PCSK6: variants seen among roughly 807,000 people sequenced by gnomAD.
PCSK6 encodes paired basic amino acid cleaving enzyme 4.
In PCSK6, 85 loss-of-function variants were observed where a neutral mutation model predicts 123.3. That is an observed-to-expected ratio of 0.69 (90% CI 0.58 to 0.83). The LOEUF is 0.83. PCSK6 is among the 40% of genes least tolerant of loss of function. PCSK6 has a pLI of 0.00. For synonymous variants in PCSK6, 508 were observed against 516.0 expected (o/e 0.98, Z 0.21); for missense variants, 1,191 against 1,282.3 (o/e 0.93, Z 1.09).
intron 18 of PCSK6, among the ~76,000 whole-genome samples, chr15:101,319,795 C>T (rs890285242): frequency 6.6e-6 from 1 of 152,226 alleles, no homozygotes; most frequent in Non-Finnish European, 1.5e-5. Flanking sequence ...GAAGGTCCAG[C>T]GCTCAACCCT....
chr15:101,455,631 C>G (rs2057159355), intron 1 of PCSK6, among the ~76,000 whole-genome samples: 1 of 152,242 alleles, frequency 6.6e-6, no homozygotes, highest in Non-Finnish European at 1.5e-5. Flanking sequence ...GCTTGCCCTG[C>G]TGAGGTCGGC....
At chr15:101,382,616 C>T (rs770239537) in intron 10 of PCSK6, among the ~76,000 whole-genome samples, 5 of 152,306 alleles carry the variant, frequency 3.3e-5, no homozygotes, top group Non-Finnish European at 5.9e-5. Flanking sequence ...ACAATTACCA[C>T]GTGCCCGAAA....
At chr15:101,310,447 A>G (rs993074460) in intron 20 of PCSK6, among the ~76,000 whole-genome samples, 1 of 152,248 alleles carries the variant, frequency 6.6e-6, no homozygotes, top group Admixed American at 6.5e-5. Flanking sequence ...GGCATTTGAC[A>G]AATGAAAGTG....
chr15:101,343,146 G>C (rs988756273), intron 13 of PCSK6, among the ~76,000 whole-genome samples: 1 of 151,952 alleles, frequency 6.6e-6, no homozygotes, highest in Non-Finnish European at 1.5e-5. Flanking sequence ...TTTTTTCTTG[G>C]AATTTGTTCA....
intron 13 of PCSK6, among the ~76,000 whole-genome samples, chr15:101,363,796 A>AT (rs34172190): frequency 0.3 from 42,958 of 142,618 alleles, 6,498 homozygotes; most frequent in Admixed American, 0.43. Flanking sequence ...TGCCTGGCTA[A>AT]TTTTTTTTTT....
intron 12 of PCSK6, among the ~76,000 whole-genome samples, chr15:101,367,292 C>G (rs1456574395): frequency 6.6e-6 from 1 of 152,192 alleles, no homozygotes; most frequent in Non-Finnish European, 1.5e-5. Flanking sequence ...GTTTTTTCCT[C>G]TTATTCTTTC....
chr15:101,306,958 G>C (rs750762065), intron 21 of PCSK6, among the ~76,000 whole-genome samples: 1 of 152,208 alleles, frequency 6.6e-6, no homozygotes, highest in Non-Finnish European at 1.5e-5. Flanking sequence ...ATTTTTAGGA[G>C]TCACTCAATA....
chr15:101,460,183 T>A (rs2141203464), intron 1 of PCSK6, among the ~76,000 whole-genome samples: 1 of 151,530 alleles, frequency 6.6e-6, no homozygotes, highest in East Asian at 1.9e-4. Flanking sequence ...CCCCTCCGTG[T>A]CCTCCTCTCT....
At chr15:101,328,437 G>A (rs187583944) in intron 15 of PCSK6, among the ~76,000 whole-genome samples, 1 of 152,322 alleles carries the variant, frequency 6.6e-6, no homozygotes, top group African/African-American at 2.4e-5. Context: ...CAGAGCAGGT[G>A]CTCAATCACT....
chr15:101,309,878 G>A (rs1250381919), intron 20 of PCSK6, among the ~76,000 whole-genome samples: 2 of 151,826 alleles, frequency 1.3e-5, no homozygotes, highest in African/African-American at 2.4e-5. Flanking sequence ...TCTCAGCGTC[G>A]GGCCTCGGCC....
chr15:101,406,259 C>T (rs891957350), intron 6 of PCSK6, among the ~76,000 whole-genome samples: 5 of 152,194 alleles, frequency 3.3e-5, no homozygotes, highest in African/African-American at 4.8e-5. Flanking sequence ...TACAAGTCAG[C>T]CCTCCTGCCC....
intron 6 of PCSK6, 68 bp downstream of exon 6, chr15:101,427,824 G>T: frequency 8.0e-7 from 1 of 1,254,120 alleles, no homozygotes; most frequent in Non-Finnish European, 1.1e-6. Context: ...TGAGACCAGC[G>T]GACAGGGAGC....
chr15:101,448,731 C>T (rs762968843), intron 1 of PCSK6, among the ~76,000 whole-genome samples: 20 of 152,190 alleles, frequency 1.3e-4, no homozygotes, highest in Non-Finnish European at 2.5e-4. Context: ...GATTCTTCAC[C>T]GTTGAACCTT....
At chr15:101,405,546 T>C (rs2042747353) in intron 6 of PCSK6, among the ~76,000 whole-genome samples, 2 of 152,184 alleles carry the variant, frequency 1.3e-5, no homozygotes, top group Non-Finnish European at 1.5e-5. Context: ...AGAAGCTCCA[T>C]CCAGGAAGGA....
At chr15:101,411,125 A>T (rs2055666774) in intron 6 of PCSK6, among the ~76,000 whole-genome samples, 1 of 152,214 alleles carries the variant, frequency 6.6e-6, no homozygotes, top group African/African-American at 2.4e-5. Flanking sequence ...TGAGGCACTG[A>T]GGAAAGACGG....
intron 1 of PCSK6, among the ~76,000 whole-genome samples, chr15:101,454,512 T>C (rs193224840): frequency 5.3e-5 from 8 of 152,238 alleles, no homozygotes; most frequent in African/African-American, 1.9e-4. Context: ...CTCAGTGAAA[T>C]GAGCCAGGCA....
intron 13 of PCSK6, among the ~76,000 whole-genome samples, chr15:101,345,911 G>T (rs1375826867): frequency 6.6e-6 from 1 of 152,132 alleles, no homozygotes; most frequent in Non-Finnish European, 1.5e-5. Context: ...CAGGTGATCC[G>T]CCTGCCTCGG....
At chr15:101,334,206 A>G (rs555967906) in intron 13 of PCSK6, 1 of 151,216 alleles carries the variant, frequency 6.6e-6, no homozygotes, top group South Asian at 2.1e-4. Context: ...CAGCAGTGAC[A>G]CAGGAAGTTG....
At chr15:101,434,691 C>G (rs11638524) in intron 2 of PCSK6, among the ~76,000 whole-genome samples, 90,298 of 152,120 alleles carry the variant, frequency 0.59, 28,062 homozygotes, top group African/African-American at 0.79. Flanking sequence ...GTGAGGTGCT[C>G]TCAGGCCAAT....
Sources: allele counts gnomAD v4.1 joint callset (sites outside exome capture counted in the v4.1 genomes callset), GRCh38; gene constraint gnomAD v4.1.1; transcripts MANE v1.5; gene names NCBI Gene and HGNC (gene_info 2026-07-23, HGNC 2026-07-21).